The following CES5A variants were observed in gnomAD, a reference collection of about 807,000 sequenced individuals.
The protein encoded by CES5A is carboxylesterase 5A.
A neutral mutation model predicts 62.9 loss-of-function variants in CES5A; 67 were observed. That is an observed-to-expected ratio of 1.07 (90% confidence interval 0.88 to 1.31). The LOEUF (loss-of-function observed/expected upper bound fraction) is 1.31. CES5A is among the 50% of genes most tolerant of loss of function. CES5A has a pLI of 0.00. For missense variants in CES5A, 748 were observed against 708.5 expected (o/e 1.06, Z -0.63); for synonymous variants, 296 against 280.8 (o/e 1.05, Z -0.54).
intron 1 of CES5A, among the ~76,000 whole-genome samples, chr16:55,915,088 T>C (rs2034133511): frequency 6.6e-6 from 1 of 152,062 alleles, no homozygotes; most frequent in Admixed American, 6.5e-5. Flanking sequence ...GAGACCAGTC[T>C]GTGTGTTGAT....
rs772209184 is a variant in CES5A at position 55,861,516 on chromosome 16, G to A, written c.811C>T (p.Leu271=). The part of the protein sequence containing the change: ...EAHDYEKSED[L]QVVAHFCGNN... The stretch of plus-strand genomic sequence containing the variant: ...CCACAGAAATGTGCAACCACCTGCA[G>A]CTATTTTGTAGAGAAGGACCGGGTT... The change falls in exon 7 of 13, where the codon CTG becomes TTG. Residue 271 remains leucine, a splice_region_variant and synonymous_variant. Coordinates refer to ENST00000290567, the MANE Select transcript of CES5A (RefSeq NM_001143685.2). 1.9e-6 allele frequency: 3 copies of A among 1,606,746 alleles called. No individual in the cohort carries two copies. In the South Asian group the frequency reaches 3.3e-5, roughly 18 times the overall value.
chr16:55,872,346 A>G (rs2142413236), intron 2 of CES5A, among the ~76,000 whole-genome samples: 1 of 151,984 alleles, frequency 6.6e-6, no homozygotes, highest in East Asian at 1.9e-4. Flanking sequence ...CCAACTTGCC[A>G]CCTCCTCCCA....
Position 55,856,480 on chromosome 16 carries a change from G to T in CES5A, c.1057-35C>A, listed in dbSNP as rs372660329. On this transcript the variant is annotated intron_variant, in intron 8 of 12. Coordinates refer to ENST00000290567, the MANE Select transcript of CES5A (RefSeq NM_001143685.2). ...GAAGCGTGCCCTCTGTAAGCCATCT[G>T]GTCATGAGAAGGTAAACCCATCTCC... The T allele has an allele frequency of 6.2e-6, 10 of 1,605,366 alleles. No homozygotes were observed. In the South Asian group the frequency reaches 9.9e-5, roughly 16 times the overall value.
chr16:55,907,773 C>T (rs1176090007), intron 1 of CES5A, among the ~76,000 whole-genome samples: 1 of 152,134 alleles, frequency 6.6e-6, no homozygotes, highest in African/African-American at 2.4e-5. Context: ...AAGAGATGAG[C>T]TCGACCTGAC....
chr16:55,856,460 G>A lies in CES5A; in HGVS notation c.1057-15C>T, dbSNP rs753132542. 8.1e-5 allele frequency: 130 copies of A among 1,613,334 alleles called. No individual in the cohort carries two copies. The highest frequency in any genetic ancestry group is 3.6e-4 in the South Asian group (33 of 91,064). Reference sequence around the variant, plus strand: ...GGAGCCTCCTTCTGTGGAGAGAAGCGTGCCCTCTGTAAGCCATCTGGTCAT... The same window carrying A: ...GGAGCCTCCTTCTGTGGAGAGAAGCATGCCCTCTGTAAGCCATCTGGTCAT... On this transcript the variant is annotated splice_polypyrimidine_tract_variant and intron_variant, in intron 8 of 12. Transcript: ENST00000290567.
At chr16:55,889,745 C>T (rs2033855814) in intron 1 of CES5A, among the ~76,000 whole-genome samples, 1 of 152,006 alleles carries the variant, frequency 6.6e-6, no homozygotes, top group African/African-American at 2.4e-5. Flanking sequence ...TTCAATGTCT[C>T]TCCCTTACCC....
At chr16:55,914,205 CT>C (rs2034122255) in intron 1 of CES5A, among the ~76,000 whole-genome samples, 1 of 152,184 alleles carries the variant, frequency 6.6e-6, no homozygotes, top group African/African-American at 2.4e-5. Context: ...CTTAATATCA[CT>C]TTTGTTCAGT....
chr16:55,853,067 C>A, intron 9 of CES5A, 39 bp from the exon 10 acceptor site: 1 of 1,607,058 alleles, frequency 6.2e-7, no homozygotes, highest in South Asian at 1.1e-5. Flanking sequence ...CCAGGTCAAC[C>A]ACAATGGCCA....
At chr16:55,900,586 G>C (rs1398830669) in intron 1 of CES5A, among the ~76,000 whole-genome samples, 2 of 152,184 alleles carry the variant, frequency 1.3e-5, no homozygotes, top group African/African-American at 4.8e-5. Flanking sequence ...CAATGCCACA[G>C]CCACTTCCAG....
chr16:55,903,933 T>G (rs1436619361), intron 1 of CES5A, among the ~76,000 whole-genome samples: 1 of 152,228 alleles, frequency 6.6e-6, no homozygotes, highest in African/African-American at 2.4e-5. Flanking sequence ...GGGAAAACGT[T>G]GCAAGAAGTT....
chr16:55,953,214 C>A (rs115137114), intron 1 of CES5A, among the ~76,000 whole-genome samples: 3,056 of 152,092 alleles, frequency 0.02, 114 homozygotes, highest in African/African-American at 0.068. Flanking sequence ...TACAATAGAC[C>A]CACAGTGTAC....
At chr16:55,864,756 A>G (rs115014045) in intron 5 of CES5A, among the ~76,000 whole-genome samples, 3,594 of 152,264 alleles carry the variant, frequency 0.024, 156 homozygotes, top group African/African-American at 0.08. Flanking sequence ...ATAAAAAAAA[A>G]GAATTAGCTG....
chr16:55,932,363 T>C (rs762079791), intron 2 of CES5A, among the ~76,000 whole-genome samples: 14 of 152,148 alleles, frequency 9.2e-5, no homozygotes, highest in Admixed American at 6.5e-4. Flanking sequence ...TATTCAGTTG[T>C]AGCAACAGAA....
At chr16:55,935,941 A>G (rs2034369602) in intron 2 of CES5A, among the ~76,000 whole-genome samples, 1 of 152,250 alleles carries the variant, frequency 6.6e-6, no homozygotes, top group Admixed American at 6.5e-5. Context: ...ATATAAAAAC[A>G]TTGAGTCAAA....
rs138993786 is a variant in CES5A at position 55,880,452 on chromosome 16, G to T, written c.-255-6415C>A. Among the ~76,000 whole-genome samples, 49 of 152,160 alleles carry T rather than the reference G, an allele frequency of 3.2e-4. No individual in the cohort carries two copies. The South Asian group carries it at 7.5e-3, about 23-fold the overall frequency. On this transcript the variant is annotated intron_variant, in intron 1 of 12. Coordinates refer to the CES5A transcript ENST00000518005. ...GCATCAGTCTCAGGAACACCCCCTC[G>T]TCTCACCTTCCCTCCTCCCCTCCAC...
At chr16:55,933,322 T>G (rs1267511694) in intron 2 of CES5A, among the ~76,000 whole-genome samples, 1 of 152,174 alleles carries the variant, frequency 6.6e-6, no homozygotes. Flanking sequence ...CTGATGGAAA[T>G]GGACTTACTC....
intron 9 of CES5A, among the ~76,000 whole-genome samples, chr16:55,854,979 C>G (rs575602038): frequency 6.6e-6 from 1 of 152,228 alleles, no homozygotes; most frequent in Non-Finnish European, 1.5e-5. Context: ...TCTCTTCACA[C>G]CCCTCTGCTC....
upstream of CES5A, among the ~76,000 whole-genome samples, chr16:55,880,203 A>G (rs2033746761): frequency 6.6e-6 from 1 of 152,120 alleles, no homozygotes; most frequent in Non-Finnish European, 1.5e-5. Flanking sequence ...CTCCCCTTGC[A>G]CTGACAGCAT....
At chr16:55,945,090 T>G (rs956422460) in intron 2 of CES5A, among the ~76,000 whole-genome samples, 1 of 152,214 alleles carries the variant, frequency 6.6e-6, no homozygotes, top group Non-Finnish European at 1.5e-5. Context: ...TTAAATGAAC[T>G]CATACTGGCC....
Sources: gnomAD v4.1 joint callset for allele counts (sites outside exome capture counted in the v4.1 genomes callset) on GRCh38, gnomAD v4.1.1 for gene constraint, MANE v1.5 for transcripts, NCBI Gene and HGNC (gene_info 2026-07-23, HGNC 2026-07-21) for gene names.